Variants in HDAC9 observed in about 807,000 individuals in gnomAD.
The protein encoded by HDAC9 is histone deacetylase 9, also known as MEF-2 interacting transcription repressor (MITR) protein.
HDAC9 carries 41 observed loss-of-function variants against 139.4 expected under a neutral mutation model. The ratio of observed to expected loss-of-function variants is 0.29; its 90% CI spans 0.23 to 0.38. The LOEUF (loss-of-function observed/expected upper bound fraction) is 0.38, where lower values mean the gene tolerates loss of function less well. HDAC9 is among the 10% of genes least tolerant of loss of function. The probability of loss-of-function intolerance (pLI) is 1.00; values close to 1 mark genes in which losing one functional copy is unlikely to be tolerated. For missense variants in HDAC9, 1,147 were observed against 1,297.0 expected (o/e 0.88, Z 1.78); for synonymous variants, 517 against 476.2 (o/e 1.09, Z -1.12).
upstream of HDAC9, among the ~76,000 whole-genome samples, chr7:18,493,374 C>A (rs984552808): frequency 6.6e-6 from 1 of 151,808 alleles, no homozygotes; most frequent in Non-Finnish European, 1.5e-5. Flanking sequence ...TTTGGAATAT[C>A]TCAGATAATG....
intron 1 of HDAC9, among the ~76,000 whole-genome samples, chr7:18,348,052 C>T (rs1437248252): frequency 6.6e-6 from 1 of 152,268 alleles, no homozygotes; most frequent in East Asian, 1.9e-4. Context: ...TAACTAGCAA[C>T]TGTTTCTCAA....
chr7:18,381,426 A>G (rs1419537010), intron 1 of HDAC9, among the ~76,000 whole-genome samples: 1 of 152,026 alleles, frequency 6.6e-6, no homozygotes, highest in Non-Finnish European at 1.5e-5. Context: ...TTAATATCAA[A>G]GCTTTACGTA....
intron 1 of HDAC9, among the ~76,000 whole-genome samples, chr7:18,332,855 A>T (rs1781300911): frequency 6.6e-6 from 1 of 151,578 alleles, no homozygotes; most frequent in Non-Finnish European, 1.5e-5. Flanking sequence ...CTGGAGAAGC[A>T]GAAACCTGGC....
intron 2 of HDAC9, among the ~76,000 whole-genome samples, chr7:18,254,694 A>C (rs1347615661): frequency 1.3e-5 from 2 of 152,248 alleles, no homozygotes; most frequent in Non-Finnish European, 2.9e-5. Context: ...TTAACAAATA[A>C]AATAAGTGTT....
At chr7:18,540,682 G>C (rs1163825256) in intron 2 of HDAC9, among the ~76,000 whole-genome samples, 2 of 152,102 alleles carry the variant, frequency 1.3e-5, no homozygotes, top group Non-Finnish European at 2.9e-5. Context: ...AGACAGCCTT[G>C]GATGTATAAA....
intron 22 of HDAC9, among the ~76,000 whole-genome samples, chr7:18,895,104 A>G (rs1801061960): frequency 6.6e-6 from 1 of 152,156 alleles, no homozygotes; most frequent in Admixed American, 6.6e-5. Flanking sequence ...CTACTAGCGG[A>G]AAATAGCTTA....
chr7:18,618,645 A>G (rs1389501862), intron 6 of HDAC9, among the ~76,000 whole-genome samples: 2 of 150,914 alleles, frequency 1.3e-5, no homozygotes, highest in Non-Finnish European at 3.0e-5. Flanking sequence ...ACATTAAAAC[A>G]TTATATATCC....
intron 22 of HDAC9, among the ~76,000 whole-genome samples, chr7:18,901,249 T>C (rs548836120): frequency 0.032 from 4,220 of 133,422 alleles, 192 homozygotes; most frequent in African/African-American, 0.11. Flanking sequence ...CACACACACA[T>C]ATATACATAT....
Position 18,234,586 on chromosome 7 carries a change from A to G in HDAC9, c.25+72237A>G, listed in dbSNP as rs373101339. 6.6e-5 allele frequency among the ~76,000 whole-genome samples: 10 copies of G among 152,342 alleles called. No individual in the cohort carries two copies. The East Asian group carries it at 1.7e-3, about 26-fold the overall frequency. Reference sequence around the variant, plus strand: ...GTTTTGCAGATTAGGAATCCGAGGCATAGCATTTGACCAACTTGATAATGA... The same window carrying G: ...GTTTTGCAGATTAGGAATCCGAGGCGTAGCATTTGACCAACTTGATAATGA... On this transcript the variant is annotated intron_variant, in intron 2 of 12. Transcript: ENST00000417496.
At chr7:18,819,138 G>A (rs1794780501) in intron 17 of HDAC9, among the ~76,000 whole-genome samples, 1 of 152,134 alleles carries the variant, frequency 6.6e-6, no homozygotes, top group Admixed American at 6.5e-5. Context: ...AAATTAGACA[G>A]GCTTTATGGT....
chr7:18,237,362 A>G (rs1047166984), intron 2 of HDAC9, among the ~76,000 whole-genome samples: 2 of 152,220 alleles, frequency 1.3e-5, no homozygotes, highest in Non-Finnish European at 2.9e-5. Context: ...GCTTGGAAAC[A>G]TCTTGCTGTG....
chr7:18,828,350 A>C (rs78035033), intron 17 of HDAC9, among the ~76,000 whole-genome samples: 2,992 of 152,276 alleles, frequency 0.02, 111 homozygotes, highest in East Asian at 0.14. Context: ...ACGTCAAACA[A>C]CCCAACTTTT....
rs71553924 is a variant in HDAC9, at chr7:18,244,994, C to CCTCTATCTATCT, written c.25+82645_25+82646insCTCTATCTATCT. Among the ~76,000 whole-genome samples, 1,323 of 148,036 alleles carry CCTCTATCTATCT rather than the reference C, an allele frequency of 8.9e-3. 24 individuals are homozygous for CCTCTATCTATCT. The highest frequency in any genetic ancestry group is 0.028 in the African/African-American group (1,098 of 39,756). ...ATACATCTCTCTATTATCTAATCTG[C>CCTCTATCTATCT]ATCTATCTATCTATCTATCTATCTA... is the stretch of plus-strand genomic sequence containing the variant. On this transcript the variant is annotated intron_variant, in intron 2 of 12. Transcript: ENST00000417496.
At chr7:18,258,696 G>A (rs529799795) in intron 2 of HDAC9, among the ~76,000 whole-genome samples, 19 of 152,242 alleles carry the variant, frequency 1.2e-4, no homozygotes, top group African/African-American at 4.3e-4. Flanking sequence ...TGAACTCAAG[G>A]TCTATGTGAT....
chr7:18,615,235 G>A (rs1307634072), intron 6 of HDAC9, among the ~76,000 whole-genome samples: 5 of 152,110 alleles, frequency 3.3e-5, no homozygotes, highest in Non-Finnish European at 7.4e-5. Context: ...CTATTTTGAA[G>A]CAATTAAAAG....
intron 17 of HDAC9, 74 bp downstream of exon 17, chr7:18,793,526 T>A: frequency 2.1e-6 from 2 of 969,264 alleles, no homozygotes; most frequent in South Asian, 2.8e-5. Context: ...ATGTGGGAAT[T>A]GCGGGGAGTG....
intron 2 of HDAC9, among the ~76,000 whole-genome samples, chr7:18,500,142 T>G (rs1797988367): frequency 6.6e-6 from 1 of 152,172 alleles, no homozygotes; most frequent in Non-Finnish European, 1.5e-5. Flanking sequence ...TTCATATTTC[T>G]AAGGATGACA....
chr7:18,668,353 A>G, intron 12 of HDAC9: 5 of 937,942 alleles, frequency 5.3e-6, no homozygotes, highest in Non-Finnish European at 6.4e-6. Flanking sequence ...AAAATATGGC[A>G]TGCCTAAGAT....
intron 2 of HDAC9, among the ~76,000 whole-genome samples, chr7:18,185,498 ATATTGTC>A (rs1351375498): frequency 6.6e-6 from 1 of 152,232 alleles, no homozygotes; most frequent in East Asian, 1.9e-4. Flanking sequence ...AAAAGAGGAA[ATATTGTC>A]TATTAAGTTA....
Sources: allele counts gnomAD v4.1 joint callset (sites outside exome capture counted in the v4.1 genomes callset), GRCh38; gene constraint gnomAD v4.1.1; transcripts MANE v1.5; gene names NCBI Gene and HGNC (gene_info 2026-07-23, HGNC 2026-07-21).